The following SEPSECS variants were observed in gnomAD, a reference collection of about 807,000 sequenced individuals.
SEPSECS encodes the protein Sep (O-phosphoserine) tRNA:Sec (selenocysteine) tRNA synthase, also known as O-phosphoseryl-tRNA(Sec) selenium transferase.
A neutral mutation model predicts 52.1 loss-of-function variants in SEPSECS; 42 were observed. The ratio of observed to expected loss-of-function variants is 0.81; its 90% CI spans 0.63 to 1.04. The LOEUF (loss-of-function observed/expected upper bound fraction) is 1.04. Ranked by LOEUF, SEPSECS falls within the 50% of genes least tolerant of loss-of-function variation. SEPSECS has a pLI of 0.00. For missense variants in SEPSECS, 590 were observed against 610.6 expected, an observed-to-expected ratio of 0.97 and a Z score of 0.36; for synonymous variants, 216 against 211.4, an observed-to-expected ratio of 1.02 and a Z score of -0.19.
chr4:25,154,294 C>T (rs956696610), intron 5 of SEPSECS, among the ~76,000 whole-genome samples: 3 of 151,974 alleles, frequency 2.0e-5, no homozygotes, highest in Non-Finnish European at 4.4e-5. Flanking sequence ...TAATTTGATG[C>T]TACAAGAAAA....
At chr4:25,148,411 A>C (rs903413919) in intron 6 of SEPSECS, among the ~76,000 whole-genome samples, 1 of 149,070 alleles carries the variant, frequency 6.7e-6, no homozygotes, top group Admixed American at 6.7e-5. Context: ...GAGAGTGTGT[A>C]GTAAATGGTA....
intron 8 of SEPSECS, among the ~76,000 whole-genome samples, chr4:25,142,888 A>G (rs1711677526): frequency 6.6e-6 from 1 of 152,214 alleles, no homozygotes; most frequent in Admixed American, 6.5e-5. Flanking sequence ...GTCTTTTAAG[A>G]CTAAAAGTGG....
chr4:25,160,177 G>GGCA, intron 1 of SEPSECS, 79 bp downstream of exon 1: 1 of 1,537,404 alleles, frequency 6.5e-7, no homozygotes, highest in Non-Finnish European at 8.8e-7. Flanking sequence ...CTGCCGGTGA[G>GGCA]GCAGCACCAG....
chr4:25,120,103 C>G lies in SEPSECS; in HGVS notation c.*3828G>C, dbSNP rs1377393055. ...ACACCGAAAACATTTTTGGAAACAT[C>G]TTTTCCTTTTGGTAAAACAGGTTAG... is the stretch of plus-strand genomic sequence containing the variant. On this transcript the variant is annotated 3_prime_UTR_variant, in exon 11 of 11. Coordinates refer to ENST00000382103, the MANE Select transcript of SEPSECS (RefSeq NM_016955.4). 6.6e-6 allele frequency: 1 copy of G among 152,022 alleles called. No individual in the cohort carries two copies. Among genetic ancestry groups the G allele is most frequent in the Non-Finnish European group, 1.5e-5 (1 of 67,978 alleles). The allele number at this position is 152,022 out of a possible 1,614,324, so 9.4% of individuals were successfully genotyped here.
At chr4:25,148,269 C>A (rs533980605) in intron 6 of SEPSECS, among the ~76,000 whole-genome samples, 2 of 142,498 alleles carry the variant, frequency 1.4e-5, no homozygotes, top group African/African-American at 2.6e-5. Flanking sequence ...AGGAGAATGG[C>A]GTGAACCTGG....
intron 8 of SEPSECS, among the ~76,000 whole-genome samples, chr4:25,130,386 A>G (rs1355215368): frequency 6.6e-6 from 1 of 152,226 alleles, no homozygotes; most frequent in African/African-American, 2.4e-5. Flanking sequence ...AATTTGCCCA[A>G]TGTTCAACTT....
chr4:25,139,879 T>A (rs150970948), intron 8 of SEPSECS, among the ~76,000 whole-genome samples: 155 of 152,228 alleles, frequency 1.0e-3, no homozygotes, highest in Non-Finnish European at 1.8e-3. Context: ...ATCAAAAGTA[T>A]CAGCATTAGA....
At position 25,156,078 on chromosome 4, in the gene SEPSECS, C is replaced by T. The variant is rs756626744; in HGVS notation, c.506G>A (p.Arg169Gln). The T allele has an allele frequency of 5.6e-6, 9 of 1,613,904 alleles. No individual in the cohort carries two copies. The highest frequency in any genetic ancestry group is 7.6e-6 in the Non-Finnish European group (9 of 1,179,892). ...TTTAAAGCAGGACTTCTGGTCTATT[C>T]GTGGCCATATAATATACTTTGCCTT... Reference protein sequence around the residue: ...RPKAKYIIWPRIDQKSCFKSM... With the variant: ...RPKAKYIIWPQIDQKSCFKSM... Residue 169 changes from arginine (R) to glutamine (Q), a missense_variant, in exon 4 of 11, where the codon CGA becomes CAA. By Grantham distance (43) the Arg-to-Gln change is conservative. Coordinates refer to ENST00000382103, the MANE Select transcript of SEPSECS (RefSeq NM_016955.4).
At chr4:25,155,934 T>G in intron 4 of SEPSECS, 103 bp downstream of exon 4, 1 of 1,109,512 alleles carries the variant, frequency 9.0e-7, no homozygotes. Flanking sequence ...AAAAAAGCAA[T>G]AGGGAAGAGA....
chr4:25,151,854 C>T lies in SEPSECS; in HGVS notation c.804+106G>A, dbSNP rs889328826. The T allele has an allele frequency of 6.9e-6, 5 of 720,506 alleles. No individual in the cohort carries two copies. In the South Asian group the frequency reaches 7.5e-5, roughly 11 times the overall value. 44.6% of individuals were successfully genotyped at this position (720,506 alleles called of 1,614,324 possible). On this transcript the variant is annotated intron_variant, in intron 6 of 10. Transcript: ENST00000382103. ...CCTAACACAACCTGAAGCAGATGGTCATAAATAACTGTTTTACTATATCAG... is the reference window on the plus strand; with the variant it reads ...CCTAACACAACCTGAAGCAGATGGTTATAAATAACTGTTTTACTATATCAG...
chr4:25,149,157 ATGCCATTCTCC>A (rs1434766059), intron 6 of SEPSECS, among the ~76,000 whole-genome samples: 2 of 152,080 alleles, frequency 1.3e-5, no homozygotes, highest in Non-Finnish European at 2.9e-5. Context: ...TCCTGGGTTC[ATGCCATTCTCC>A]TGCCTCAGCC....
upstream of SEPSECS, chr4:25,160,502 A>G: frequency 1.5e-6 from 1 of 679,390 alleles, no homozygotes; most frequent in Non-Finnish European, 2.5e-6. Flanking sequence ...ACAAAACAAA[A>G]CAAAACAAAA....
chr4:25,141,490 C>T (rs931100011), intron 8 of SEPSECS, among the ~76,000 whole-genome samples: 2 of 152,202 alleles, frequency 1.3e-5, no homozygotes, highest in African/African-American at 2.4e-5. Context: ...GCTTCCCCAT[C>T]ATAGCTAATG....
At position 25,152,051 on chromosome 4, in the gene SEPSECS, A is replaced by G; in HGVS notation, c.713T>C (p.Leu238Pro). The change falls in exon 6 of 11, where the codon CTG (leucine) becomes CCG (proline). Residue 238 changes from leucine (L) to proline (P), a missense_variant. Physicochemically the swap from Leu to Pro is moderately conservative, Grantham distance 98. Transcript: ENST00000382103. ...GTCATAATTAGCACAAATCACAGCCAGTTCTTCTAATCTATAAACATAAAT... is the reference window on the plus strand; with the variant it reads ...GTCATAATTAGCACAAATCACAGCCGGTTCTTCTAATCTATAAACATAAAT... The part of the protein sequence containing the change: ...APRVPDRLEE[L>P]AVICANYDIP... 1 of 1,545,892 alleles carries G rather than the reference A, an allele frequency of 6.5e-7. No individual in the cohort carries two copies. Among genetic ancestry groups the G allele is most frequent in the Non-Finnish European group, 8.9e-7 (1 of 1,118,034 alleles).
chr4:25,145,145 A>G lies in SEPSECS; in HGVS notation c.805-12T>C. The G allele has an allele frequency of 6.2e-7, 1 of 1,613,524 alleles. No homozygotes were observed. The highest frequency in any genetic ancestry group is 8.5e-7 in the Non-Finnish European group (1 of 1,179,678). ...CCAACTCGAGCCCCCTGGAATCAATATGATATTACATATTAGTTGCTAGGA... is the reference window on the plus strand; with the variant it reads ...CCAACTCGAGCCCCCTGGAATCAATGTGATATTACATATTAGTTGCTAGGA... On this transcript the variant is annotated splice_polypyrimidine_tract_variant and intron_variant, in intron 6 of 10. Coordinates refer to ENST00000382103, the MANE Select transcript of SEPSECS (RefSeq NM_016955.4).
At chr4:25,138,722 C>A (rs189522371) in intron 8 of SEPSECS, among the ~76,000 whole-genome samples, 140 of 152,196 alleles carry the variant, frequency 9.2e-4, no homozygotes, top group Non-Finnish European at 5.9e-4. Flanking sequence ...TTGTATGTTT[C>A]CTCTCCAAGT....
intron 6 of SEPSECS, among the ~76,000 whole-genome samples, chr4:25,146,386 CTTCT>C (rs1358064850): frequency 6.6e-6 from 1 of 152,166 alleles, no homozygotes. Context: ...TCCTCTTCCT[CTTCT>C]TTCTAATTTC....
In SEPSECS at chr4:25,122,434, C is replaced by T. The variant is rs1053785231; in HGVS notation, c.*1497G>A. The T allele has an allele frequency of 6.6e-6, 1 of 152,180 alleles. No individual in the cohort carries two copies. Among genetic ancestry groups the T allele is most frequent in the East Asian group, 1.9e-4 (1 of 5,204 alleles). The allele number at this position is 152,180 out of a possible 1,614,324, so 9.4% of individuals were successfully genotyped here. A position where few individuals can be genotyped will look rare whatever the true frequency, so the allele number is the denominator to read the frequency against. ...AGCCCAGAAGGCAACACAGCATTCT[C>T]TACCATAGTGTTTTTAAAAGTATGT... On this transcript the variant is annotated 3_prime_UTR_variant, in exon 11 of 11. Coordinates refer to ENST00000382103, the MANE Select transcript of SEPSECS (RefSeq NM_016955.4).
At chr4:25,153,642 T>G (rs62411563) in intron 5 of SEPSECS, among the ~76,000 whole-genome samples, 9,676 of 151,984 alleles carry the variant, frequency 0.064, 430 homozygotes, top group Middle Eastern at 0.1. Flanking sequence ...AAATGTATAC[T>G]GTATCCAAAA....
Sources: allele counts gnomAD v4.1 joint callset (sites outside exome capture counted in the v4.1 genomes callset), GRCh38; gene constraint gnomAD v4.1.1; transcripts MANE v1.5; gene names NCBI Gene and HGNC (gene_info 2026-07-23, HGNC 2026-07-21).